Variants in ACKR3 observed in about 807,000 individuals in gnomAD.
ACKR3 encodes the protein C-X-C chemokine receptor type 7.
ACKR3 carries 6 observed loss-of-function variants against 22.4 expected under a neutral mutation model. The observed-to-expected ratio is 0.27, with a 90% CI of 0.15 to 0.53. The LOEUF is 0.53. Ranked by LOEUF, ACKR3 falls within the 20% of genes least tolerant of loss-of-function variation. ACKR3 has a pLI of 0.96. For synonymous variants in ACKR3, 209 were observed against 205.2 expected, an observed-to-expected ratio of 1.02 and a Z score of -0.16; for missense variants, 396 against 475.2, an observed-to-expected ratio of 0.83 and a Z score of 1.55.
rs778711298 is a variant in ACKR3 at position 236,580,949 on chromosome 2, C to G, written c.484C>G (p.Arg162Gly). 6.2e-7 allele frequency: 1 copy of G among 1,614,178 alleles called. No individual in the cohort carries two copies. The highest frequency in any genetic ancestry group is 1.7e-5 in the Admixed American group (1 of 60,030). ...TPSSRKKMVRRVVCILVWLLA... is the reference protein window; with the variant it reads ...TPSSRKKMVRGVVCILVWLLA... ...CAGCAGCAGGAAGAAGATGGTACGC[C>G]GTGTCGTCTGCATCCTGGTGTGGCT... Residue 162 changes from arginine (R) to glycine (G), a missense_variant, in exon 2 of 2, where the codon CGT (arginine) becomes GGT (glycine). Coordinates refer to ENST00000272928, the MANE Select transcript of ACKR3 (RefSeq NM_020311.3).
At chr2:236,555,133 A>G in the ACKR3 span, among the ~76,000 whole-genome samples, 51 of 152,386 alleles carry the variant, frequency 3.3e-4, no homozygotes, top group African/African-American at 1.0e-3. Context: ...ACACTGAAGC[A>G]GTGCTGCTTC....
intron 1 of ACKR3, among the ~76,000 whole-genome samples, chr2:236,576,411 G>C (rs1284346409): frequency 6.6e-6 from 1 of 152,138 alleles, no homozygotes; most frequent in African/African-American, 2.4e-5. Flanking sequence ...TTCTGTGCAG[G>C]GCCCGCTGGG....
intron 1 of ACKR3, among the ~76,000 whole-genome samples, chr2:236,570,714 G>A (rs1691290856): frequency 6.6e-6 from 1 of 152,216 alleles, no homozygotes; most frequent in Non-Finnish European, 1.5e-5. Context: ...GTTGGCATGT[G>A]CAAAGATTCA....
In ACKR3 at chr2:236,574,146, A is replaced by G. The variant is rs1224017313; in HGVS notation, c.-27+4222A>G. 6.6e-6 allele frequency among the ~76,000 whole-genome samples: 1 copy of G among 151,590 alleles called. No homozygotes were observed. The highest frequency in any genetic ancestry group is 1.5e-5 in the Non-Finnish European group (1 of 67,888). Reference sequence around the variant, plus strand: ...GAGATGTTTCTGATTTGTTGTCCTCACGTGCCCCAGAGCAGTGCCTCCTGG... The same window carrying G: ...GAGATGTTTCTGATTTGTTGTCCTCGCGTGCCCCAGAGCAGTGCCTCCTGG... On this transcript the variant is annotated intron_variant, in intron 1 of 1. Transcript: ENST00000272928. This position sits in a 1 kb window ranked among gnomAD's most constrained non-coding sequence, Gnocchi z 5.6.
chr2:236,564,679 A>C (rs10207467), upstream of ACKR3, among the ~76,000 whole-genome samples: 8,749 of 151,962 alleles, frequency 0.058, 734 homozygotes, highest in African/African-American at 0.19. Flanking sequence ...TAAGACTTAA[A>C]AAAGTCTGCA....
At chr2:236,551,378 C>A in the ACKR3 span, among the ~76,000 whole-genome samples, 6 of 152,204 alleles carry the variant, frequency 3.9e-5, no homozygotes, top group East Asian at 1.2e-3. Flanking sequence ...AGCCTTGTGG[C>A]TGCAGGAAGG....
the ACKR3 span, among the ~76,000 whole-genome samples, chr2:236,550,204 T>C: frequency 6.6e-6 from 1 of 152,130 alleles, no homozygotes; most frequent in Non-Finnish European, 1.5e-5. The surrounding 1 kb of genome is among the most constrained non-coding windows in gnomAD (Gnocchi z 4.6). Flanking sequence ...GAAGGCGGTG[T>C]GTGAGGAGAA....
Position 236,574,520 on chromosome 2 carries a change from A to G in ACKR3, c.-27+4596A>G, listed in dbSNP as rs992665380. On this transcript the variant is annotated intron_variant, in intron 1 of 1. Transcript: ENST00000272928. This position sits in a 1 kb window ranked among gnomAD's most constrained non-coding sequence, Gnocchi z 5.6. ...AGGGCAGAGGGCATCAGTTGGGAAG[A>G]GTCTGTGGTTGGAGACTGCAAACAT... is the stretch of plus-strand genomic sequence containing the variant. Among the ~76,000 whole-genome samples, 1 of 152,098 alleles carries G rather than the reference A, an allele frequency of 6.6e-6. No individual in the cohort carries two copies. The highest frequency in any genetic ancestry group is 6.5e-5 in the Admixed American group (1 of 15,272).
the ACKR3 span, among the ~76,000 whole-genome samples, chr2:236,546,278 C>T: frequency 6.6e-6 from 1 of 152,108 alleles, no homozygotes; most frequent in Non-Finnish European, 1.5e-5. The surrounding 1 kb of genome is among the most constrained non-coding windows in gnomAD (Gnocchi z 4.9). Context: ...CTCTTTGAGG[C>T]CTCCTTCTGG....
the ACKR3 span, among the ~76,000 whole-genome samples, chr2:236,545,163 G>A: frequency 6.6e-6 from 1 of 151,992 alleles, no homozygotes; most frequent in Admixed American, 6.5e-5. The surrounding 1 kb of genome is among the most constrained non-coding windows in gnomAD (Gnocchi z 5.3). Context: ...CTGTGCCTTC[G>A]TCATCTTTAG....
chr2:236,580,418 T>C (rs1160813779), intron 1 of ACKR3, 22 bp from the exon 2 acceptor site: 1 of 1,560,162 alleles, frequency 6.4e-7, no homozygotes, highest in African/African-American at 1.4e-5. Context: ...CCATCTTTTT[T>C]GTTTGCTTGG....
rs1218898387 is a variant in ACKR3 at position 236,581,353 on chromosome 2, C to T, written c.888C>T (p.Ala296=). ...TCRLEHALFT[A]LHVTQCLSLV... ...GGCTGGAGCACGCCCTCTTCACGGC[C>T]CTGCATGTCACACAGTGCCTGTCGC... Residue 296 remains alanine, a synonymous_variant, in exon 2 of 2, where the codon GCC becomes GCT. Coordinates refer to ENST00000272928, the MANE Select transcript of ACKR3 (RefSeq NM_020311.3). The surrounding 1 kb of genome is among the most constrained non-coding windows in gnomAD (Gnocchi z 4.4). 2.5e-6 allele frequency: 4 copies of T among 1,614,088 alleles called. No individual in the cohort carries two copies. In the East Asian group the frequency reaches 8.9e-5, roughly 36 times the overall value.
At chr2:236,569,719 G>C (rs1691268223), upstream of ACKR3, 1 of 152,422 alleles carries the variant, frequency 6.6e-6, no homozygotes, top group Admixed American at 6.5e-5. Flanking sequence ...CTGTGGGATG[G>C]GGGTGGCACG....
the ACKR3 span, among the ~76,000 whole-genome samples, chr2:236,560,433 C>T: frequency 2.0e-5 from 3 of 147,304 alleles, no homozygotes; most frequent in South Asian, 4.3e-4. Flanking sequence ...GTCTTGAGTT[C>T]GATGATCTTT....
At chr2:236,556,622 G>A in the ACKR3 span, among the ~76,000 whole-genome samples, 1 of 152,338 alleles carries the variant, frequency 6.6e-6, no homozygotes, top group East Asian at 1.9e-4. Context: ...CAGAAGGAAG[G>A]CAGCCCTGCT....
the ACKR3 span, among the ~76,000 whole-genome samples, chr2:236,543,126 T>C: frequency 2.0e-5 from 3 of 152,186 alleles, no homozygotes; most frequent in African/African-American, 7.2e-5. Context: ...CTTGGACATA[T>C]ATTTTCAAAG....
the ACKR3 span, among the ~76,000 whole-genome samples, chr2:236,551,719 T>C: frequency 2.0e-5 from 3 of 152,200 alleles, no homozygotes; most frequent in Non-Finnish European, 4.4e-5. Flanking sequence ...TTGGAAACAA[T>C]GTTATACTTC....
upstream of ACKR3, among the ~76,000 whole-genome samples, chr2:236,565,145 AT>A (rs1283743522): frequency 6.6e-6 from 1 of 152,106 alleles, no homozygotes; most frequent in African/African-American, 2.4e-5. Flanking sequence ...AGAAATAGCC[AT>A]TCTAGATACC....
At position 236,580,855 on chromosome 2, in the gene ACKR3, C is replaced by T; in HGVS notation, c.390C>T (p.Gly130=). 2 of 1,614,240 alleles carry T rather than the reference C, an allele frequency of 1.2e-6. 1 individual carries two copies. The highest frequency in any genetic ancestry group is 2.2e-5 in the South Asian group (2 of 91,082). ...THLIFSINLF[G]SIFFLTCMSV... ...TCATCTTCTCCATCAACCTCTTCGG[C>T]AGCATTTTCTTCCTCACGTGCATGA... Residue 130 remains glycine, a synonymous_variant, in exon 2 of 2, where the codon GGC becomes GGT. Coordinates refer to ENST00000272928, the MANE Select transcript of ACKR3 (RefSeq NM_020311.3).
Sources: allele counts gnomAD v4.1 joint callset (sites outside exome capture counted in the v4.1 genomes callset), GRCh38; gene constraint gnomAD v4.1.1; non-coding constraint Gnocchi (gnomAD v3.1); transcripts MANE v1.5; gene names NCBI Gene and HGNC (gene_info 2026-07-23, HGNC 2026-07-21).